Variants in MCC observed in about 807,000 individuals in gnomAD.
MCC encodes MCC regulator of Wnt signaling pathway, also known as colorectal mutant cancer protein.
MCC carries 90 observed loss-of-function variants against 116.2 expected under a neutral mutation model. That is an observed-to-expected ratio of 0.77 (90% CI 0.65 to 0.92). The LOEUF is 0.92. Among genes scored for constraint, MCC ranks in the 40% least tolerant of loss-of-function variants. The pLI is 0.00. For missense variants in MCC, 1,516 were observed against 1,312.2 expected (o/e 1.16, Z -2.40); for synonymous variants, 578 against 510.5 (o/e 1.13, Z -1.78).
intron 3 of MCC, among the ~76,000 whole-genome samples, chr5:113,319,742 C>T (rs906406866): frequency 6.6e-6 from 1 of 152,198 alleles, no homozygotes; most frequent in Non-Finnish European, 1.5e-5. Context: ...AGCATTCAAA[C>T]ATGTTGGCTC....
In MCC at chr5:113,244,237, T is replaced by A. The variant is rs1388073497; in HGVS notation, c.628-92815A>T. On this transcript the variant is annotated intron_variant, in intron 3 of 18. Transcript: ENST00000408903. Reference sequence around the variant, plus strand: ...TGTAATTGTTGGCCTCAGCTAATGATATATTTTTAACAACACAAGGAATGA... The same window carrying A: ...TGTAATTGTTGGCCTCAGCTAATGAAATATTTTTAACAACACAAGGAATGA... 2.6e-5 allele frequency among the ~76,000 whole-genome samples: 4 copies of A among 152,366 alleles called. No homozygotes were observed. The East Asian group carries it at 7.7e-4, about 29-fold the overall frequency.
intron 3 of MCC, among the ~76,000 whole-genome samples, chr5:113,220,668 A>G (rs1297524523): frequency 6.6e-6 from 1 of 152,204 alleles, no homozygotes; most frequent in African/African-American, 2.4e-5. Context: ...TTTCCTTGGT[A>G]TCTTGTAACC....
At chr5:113,333,210 T>C (rs1479165715) in intron 3 of MCC, among the ~76,000 whole-genome samples, 1 of 151,766 alleles carries the variant, frequency 6.6e-6, no homozygotes, top group Non-Finnish European at 1.5e-5. Flanking sequence ...CTTTTAAAGA[T>C]GTTTCTGTAT....
chr5:113,379,923 T>A (rs2150391801), intron 2 of MCC, among the ~76,000 whole-genome samples: 1 of 152,346 alleles, frequency 6.6e-6, no homozygotes, highest in African/African-American at 2.4e-5. Context: ...CGAGATGTCT[T>A]GCCATAAAGA....
chr5:113,237,076 A>G (rs1346166890), intron 3 of MCC, among the ~76,000 whole-genome samples: 1 of 152,206 alleles, frequency 6.6e-6, no homozygotes, highest in African/African-American at 2.4e-5. Context: ...AATACTTGCT[A>G]ATTGACTGAA....
intron 8 of MCC, among the ~76,000 whole-genome samples, chr5:113,086,089 T>C (rs1383730660): frequency 6.6e-6 from 1 of 152,160 alleles, no homozygotes; most frequent in East Asian, 1.9e-4. Flanking sequence ...TCACCTCTCA[T>C]GGAATCATCA....
intron 3 of MCC, among the ~76,000 whole-genome samples, chr5:113,334,590 A>ATTTTTTTTTTTTTTTTTT (rs58288026): frequency 8.3e-6 from 1 of 120,886 alleles, no homozygotes; most frequent in African/African-American, 3.4e-5. Flanking sequence ...CTGATTTCTG[A>ATTTTTTTTTTTTTTTTTT]TTTTTTTTTT....
In MCC at chr5:113,300,789, G is replaced by A. The variant is rs908610607; in HGVS notation, c.627+39730C>T. ...ATTACCGGACCAGCTCCTCTCTCAG[G>A]TCCTGGTTTGGGAGCCTCTCACCAG... On this transcript the variant is annotated intron_variant, in intron 3 of 18. Coordinates refer to ENST00000408903, the MANE Select transcript of MCC (RefSeq NM_001085377.2). Among the ~76,000 whole-genome samples the A allele has an allele frequency of 4.5e-4, 69 of 152,222 alleles. 1 individual carries two copies. Among genetic ancestry groups the A allele is most frequent in the African/African-American group, 1.6e-3 (66 of 41,530 alleles).
intron 3 of MCC, among the ~76,000 whole-genome samples, chr5:113,279,206 T>C (rs17135541): frequency 0.032 from 4,925 of 152,248 alleles, 107 homozygotes; most frequent in East Asian, 0.075. Context: ...ATCAGCCTCA[T>C]CATTTCACGA....
intron 1 of MCC, among the ~76,000 whole-genome samples, chr5:113,470,502 T>A (rs1348459709): frequency 3.3e-5 from 5 of 152,244 alleles, no homozygotes; most frequent in Admixed American, 2.6e-4. Flanking sequence ...GAATGTTGAA[T>A]ATTCGTCCCC....
intron 3 of MCC, among the ~76,000 whole-genome samples, chr5:113,292,522 T>A (rs1766541041): frequency 6.6e-6 from 1 of 152,128 alleles, no homozygotes; most frequent in African/African-American, 2.4e-5. Flanking sequence ...CACTCTCAAC[T>A]CTTTCATTTG....
At chr5:113,067,545 G>A (rs547627935) in intron 13 of MCC, among the ~76,000 whole-genome samples, 2 of 152,332 alleles carry the variant, frequency 1.3e-5, no homozygotes, top group African/African-American at 4.8e-5. Context: ...GCTGAGGCAG[G>A]AGGATGCTTG....
At chr5:113,478,454 G>A (rs1038714650) in intron 1 of MCC, among the ~76,000 whole-genome samples, 1 of 152,168 alleles carries the variant, frequency 6.6e-6, no homozygotes, top group African/African-American at 2.4e-5. Flanking sequence ...TTGAAAAGAG[G>A]AAAATGCAGG....
intron 14 of MCC, among the ~76,000 whole-genome samples, chr5:113,057,219 T>A (rs1300100997): frequency 6.6e-6 from 1 of 152,170 alleles, no homozygotes; most frequent in African/African-American, 2.4e-5. Context: ...CAGCATTTTA[T>A]AAGGGCTGTG....
chr5:113,425,566 G>C (rs1247044959), intron 1 of MCC, among the ~76,000 whole-genome samples: 1 of 152,200 alleles, frequency 6.6e-6, no homozygotes, highest in African/African-American at 2.4e-5. Flanking sequence ...TAGGTAAAGG[G>C]GAAGTGGGTG....
At chr5:113,361,136 T>C (rs1166529591) in intron 2 of MCC, among the ~76,000 whole-genome samples, 5 of 152,208 alleles carry the variant, frequency 3.3e-5, no homozygotes, top group Non-Finnish European at 7.3e-5. Flanking sequence ...GCAGTAAAAC[T>C]CTTCTACTCA....
At chr5:113,298,479 A>G (rs574843741) in intron 3 of MCC, among the ~76,000 whole-genome samples, 1 of 152,352 alleles carries the variant, frequency 6.6e-6, no homozygotes, top group South Asian at 2.1e-4. Flanking sequence ...ACCATGCACA[A>G]TTCTTTCCAT....
chr5:113,053,316 C>T (rs185312727), intron 15 of MCC, among the ~76,000 whole-genome samples: 12 of 152,280 alleles, frequency 7.9e-5, no homozygotes, highest in Middle Eastern at 3.4e-3. Context: ...CTAGGGCTCT[C>T]GGCCAAACTC....
At position 113,084,135 on chromosome 5, in the gene MCC, C is replaced by G; in HGVS notation, c.1601G>C (p.Arg534Pro). 6.2e-7 allele frequency: 1 copy of G among 1,614,118 alleles called. No individual in the cohort carries two copies. Among genetic ancestry groups the G allele is most frequent in the African/African-American group, 1.3e-5 (1 of 75,046 alleles). ...KTRSESSSSD[R>P]PVLGSEISSI... ...ACTGATTTCTGAGCCCAGGACTGGCCGATCAGATGATGACGATTCGGACCT... is the reference window on the plus strand; with the variant it reads ...ACTGATTTCTGAGCCCAGGACTGGCGGATCAGATGATGACGATTCGGACCT... The change falls in exon 10 of 19, where the codon CGG becomes CCG. Residue 534 changes from arginine (R) to proline (P), a missense_variant. Physicochemically the swap from Arg to Pro is moderately radical, Grantham distance 103. Coordinates refer to ENST00000408903, the MANE Select transcript of MCC (RefSeq NM_001085377.2).
Sources: allele counts gnomAD v4.1 joint callset (sites outside exome capture counted in the v4.1 genomes callset), GRCh38; gene constraint gnomAD v4.1.1; transcripts MANE v1.5; gene names NCBI Gene and HGNC (gene_info 2026-07-23, HGNC 2026-07-21).